The following MCM9 variants were observed in gnomAD, a reference collection of about 807,000 sequenced individuals.
MCM9 encodes minichromosome maintenance 9 homologous recombination repair factor.
A neutral mutation model predicts 72.8 loss-of-function variants in MCM9; 55 were observed. The ratio of observed to expected loss-of-function variants is 0.76; its 90% CI spans 0.61 to 0.95. The LOEUF is 0.95. Ranked by LOEUF, MCM9 falls within the 40% of genes least tolerant of loss-of-function variation. The probability of loss-of-function intolerance (pLI) is 0.00; values close to 1 mark genes in which losing one functional copy is unlikely to be tolerated. For missense variants in MCM9, 1,279 were observed against 1,377.0 expected, an observed-to-expected ratio of 0.93 and a Z score of 1.13; for synonymous variants, 480 against 503.4, an observed-to-expected ratio of 0.95 and a Z score of 0.62.
At position 118,815,506 on chromosome 6, in the gene MCM9, A is replaced by T. The variant is rs1277471159; in HGVS notation, c.2750T>A (p.Val917Glu). 6.5e-7 allele frequency: 1 copy of T among 1,547,794 alleles called. No individual in the cohort carries two copies. The highest frequency in any genetic ancestry group is 8.7e-7 in the Non-Finnish European group (1 of 1,146,134). Reference protein sequence around the residue: ...IENVKPPGSPVAKLAKFTFKQ... With the variant: ...IENVKPPGSPEAKLAKFTFKQ... ...GAAAGTAAATTTTGCCAGTTTGGCC[A>T]CAGGGGAACCTGGAGGCTTAACATT... Residue 917 changes from valine to glutamate, a missense_variant, in exon 14 of 14, where the codon GTG becomes GAG. Physicochemically the swap from Val to Glu is moderately radical, Grantham distance 121 (BLOSUM62 -2). Coordinates refer to ENST00000619706, the MANE Select transcript of MCM9 (RefSeq NM_017696.3).
intron 9 of MCM9, among the ~76,000 whole-genome samples, chr6:118,834,415 G>A (rs1349579531): frequency 6.6e-6 from 1 of 152,150 alleles, no homozygotes; most frequent in Non-Finnish European, 1.5e-5. Flanking sequence ...GTCGGTTATA[G>A]ATCCTTGAGG....
chr6:118,864,008 A>T (rs550395453), intron 8 of MCM9, among the ~76,000 whole-genome samples: 6 of 128,552 alleles, frequency 4.7e-5, no homozygotes, highest in Admixed American at 1.5e-4. Context: ...GAATTGATTT[A>T]AAAAAAAAAA....
chr6:118,836,865 T>C (rs1360535540), intron 9 of MCM9, among the ~76,000 whole-genome samples: 2 of 152,228 alleles, frequency 1.3e-5, no homozygotes, highest in Non-Finnish European at 2.9e-5. Context: ...ATCTTAGTTA[T>C]TTCTTGTCTT....
intron 9 of MCM9, among the ~76,000 whole-genome samples, chr6:118,855,036 C>T (rs966300928): frequency 6.6e-6 from 1 of 152,094 alleles, no homozygotes; most frequent in African/African-American, 2.4e-5. Context: ...GTGGAAAAAG[C>T]ATTTTTCCAG....
intron 9 of MCM9, among the ~76,000 whole-genome samples, chr6:118,843,682 A>G (rs1218424085): frequency 2.4e-5 from 2 of 81,772 alleles, no homozygotes; most frequent in East Asian, 6.4e-4. Context: ...ATGTATATAT[A>G]TATGTGTATA....
At chr6:118,846,946 T>C (rs1035788711) in intron 9 of MCM9, among the ~76,000 whole-genome samples, 1 of 151,650 alleles carries the variant, frequency 6.6e-6, no homozygotes, top group Non-Finnish European at 1.5e-5. Context: ...CTCCCTACCC[T>C]GCCCCAAAAA....
chr6:118,916,265 C>T (rs1273384434), intron 6 of MCM9, among the ~76,000 whole-genome samples: 1 of 150,160 alleles, frequency 6.7e-6, no homozygotes, highest in Non-Finnish European at 1.5e-5. Flanking sequence ...AAAGTGCCTG[C>T]TTCATAAATC....
Position 118,905,971 on chromosome 6 carries a change from ATTG to A in MCM9, c.1150+5676_1150+5678del, listed in dbSNP as rs1299235563. The A allele has an allele frequency of 6.9e-6, 4 of 579,204 alleles. No homozygotes were observed. The East Asian group carries it at 9.1e-5, about 13-fold the overall frequency. The allele number at this position is 579,204 out of a possible 1,614,324, so 35.9% of individuals were successfully genotyped here. A position where few individuals can be genotyped will look rare whatever the true frequency, so the allele number is the denominator to read the frequency against. ...CTTATGCCAACTGGGCAAACTAATT[ATTG>A]TTCCATTACCATGGATGACTTCAAA... On this transcript the variant is annotated intron_variant, in intron 8 of 13. Transcript: ENST00000619706.
At chr6:118,930,256 G>A (rs112036562) in intron 3 of MCM9, among the ~76,000 whole-genome samples, 4,025 of 152,054 alleles carry the variant, frequency 0.026, 181 homozygotes, top group African/African-American at 0.093. Flanking sequence ...GACTACAGGC[G>A]CCCGCCACCA....
At chr6:118,887,457 C>A (rs1288693812) in intron 8 of MCM9, among the ~76,000 whole-genome samples, 2 of 151,984 alleles carry the variant, frequency 1.3e-5, no homozygotes, top group Admixed American at 1.3e-4. Context: ...CCCTTCACAC[C>A]ATATACAAAA....
At chr6:118,896,824 T>G (rs2114497730) in intron 8 of MCM9, among the ~76,000 whole-genome samples, 1 of 133,494 alleles carries the variant, frequency 7.5e-6, no homozygotes, top group African/African-American at 2.6e-5. Context: ...GTTCTTAAAA[T>G]TAAACTATAG....
chr6:118,826,373 CG>C, intron 12 of MCM9, 81 bp from the exon 13 acceptor site: 1 of 1,436,598 alleles, frequency 7.0e-7, no homozygotes, highest in Non-Finnish European at 9.2e-7. Context: ...CAGCAATCCC[CG>C]GGGGCTAAGA....
At chr6:118,873,216 A>AGGGAAAGGGAAG (rs1167651667) in intron 8 of MCM9, among the ~76,000 whole-genome samples, 2 of 80,330 alleles carry the variant, frequency 2.5e-5, no homozygotes, top group South Asian at 7.3e-4. Context: ...GGGGAGGGAA[A>AGGGAAAGGGAAG]GGGAAAGGGA....
chr6:118,927,977 T>C (rs933730977), intron 3 of MCM9, among the ~76,000 whole-genome samples: 3 of 152,222 alleles, frequency 2.0e-5, no homozygotes, highest in African/African-American at 7.2e-5. Flanking sequence ...GACTGGACTA[T>C]AGGGCCTTTT....
intron 8 of MCM9, among the ~76,000 whole-genome samples, chr6:118,878,313 CCTATAAGAAA>C (rs1288748406): frequency 7.3e-5 from 11 of 151,664 alleles, no homozygotes. Context: ...TGCTAATAGA[CCTATAAGAAA>C]TACTACAGGA....
chr6:118,843,656 G>A (rs1554257109), intron 9 of MCM9, among the ~76,000 whole-genome samples: 499 of 11,724 alleles, frequency 0.043, 57 homozygotes, highest in Non-Finnish European at 0.076. Context: ...ATATATATAT[G>A]TGTATATATA....
intron 9 of MCM9, among the ~76,000 whole-genome samples, chr6:118,833,352 A>T (rs1774726137): frequency 6.6e-6 from 1 of 152,218 alleles, no homozygotes; most frequent in Admixed American, 6.5e-5. Context: ...AGTAAGAAGC[A>T]AAATTGAAAA....
At chr6:118,836,017 G>T (rs919980321) in intron 9 of MCM9, among the ~76,000 whole-genome samples, 21 of 152,126 alleles carry the variant, frequency 1.4e-4, no homozygotes, top group Non-Finnish European at 2.9e-4. Flanking sequence ...TTTGAGATAT[G>T]TTCCATCAAT....
chr6:118,821,067 C>T (rs950614372), intron 13 of MCM9, among the ~76,000 whole-genome samples: 2 of 152,074 alleles, frequency 1.3e-5, no homozygotes, highest in South Asian at 4.1e-4. Context: ...TGGGTCTTGA[C>T]TCTTTATCCA....
Sources: allele counts gnomAD v4.1 joint callset (sites outside exome capture counted in the v4.1 genomes callset), GRCh38; gene constraint gnomAD v4.1.1; transcripts MANE v1.5; gene names NCBI Gene and HGNC (gene_info 2026-07-23, HGNC 2026-07-21).